The following TCEA3 variants were observed in gnomAD, a reference collection of about 807,000 sequenced individuals.
The protein encoded by TCEA3 is transcription elongation factor A protein 3.
Under a neutral mutation model 44.0 loss-of-function variants are expected in TCEA3, and 36 were observed. That is an observed-to-expected ratio of 0.82 (90% confidence interval 0.63 to 1.08). The LOEUF is 1.08. Among genes scored for constraint, TCEA3 ranks in the 50% least tolerant of loss-of-function variants. The probability of loss-of-function intolerance (pLI) is 0.00; values close to 1 mark genes in which losing one functional copy is unlikely to be tolerated. For synonymous variants in TCEA3, 162 were observed against 159.7 expected (o/e 1.01, Z -0.11); for missense variants, 392 against 441.2 (o/e 0.89, Z 1.00).
chr1:23,419,025 C>A, intron 2 of TCEA3, 52 bp downstream of exon 2: 1 of 991,746 alleles, frequency 1.0e-6, no homozygotes, highest in South Asian at 1.9e-5. Context: ...TTTCCCTCCC[C>A]CACCAGCTCT....
At chr1:23,390,759 G>T (rs1430504992) in intron 8 of TCEA3, among the ~76,000 whole-genome samples, 1 of 152,084 alleles carries the variant, frequency 6.6e-6, no homozygotes, top group Non-Finnish European at 1.5e-5. Flanking sequence ...AAATAAGGTG[G>T]AAAATGAAGG....
Position 23,381,432 on chromosome 1 carries a change from T to C in TCEA3, c.*34A>G, listed in dbSNP as rs1638669151. 3 of 780,094 alleles carry C rather than the reference T, an allele frequency of 3.8e-6. No homozygotes were observed. The highest frequency in any genetic ancestry group is 7.2e-6 in the Non-Finnish European group (3 of 417,846). 48.3% of individuals were successfully genotyped at this position (780,094 alleles called of 1,614,324 possible). A position where few individuals can be genotyped will look rare whatever the true frequency, so the allele number is the denominator to read the frequency against. On this transcript the variant is annotated 3_prime_UTR_variant, in exon 11 of 11. Coordinates refer to ENST00000450454, the MANE Select transcript of TCEA3 (RefSeq NM_003196.3). Reference sequence around the variant, plus strand: ...CAGATAATTCAGCGCTTCCTCTTTCTTCTTCCTCACCTTGTTCATGGCTGG... The same window carrying C: ...CAGATAATTCAGCGCTTCCTCTTTCCTCTTCCTCACCTTGTTCATGGCTGG...
At chr1:23,415,134 C>T (rs1476915211) in intron 4 of TCEA3, among the ~76,000 whole-genome samples, 4 of 151,114 alleles carry the variant, frequency 2.6e-5, no homozygotes, top group African/African-American at 9.7e-5. Context: ...GTGATTCTCC[C>T]GCCTCAGCCT....
At chr1:23,416,783 C>T (rs529611117) in intron 4 of TCEA3, among the ~76,000 whole-genome samples, 2 of 152,152 alleles carry the variant, frequency 1.3e-5, no homozygotes, top group Non-Finnish European at 2.9e-5. Context: ...TGAGCCACTG[C>T]GCCAGGTGCA....
intron 8 of TCEA3, 130 bp downstream of exon 8, chr1:23,393,749 G>T: frequency 8.2e-7 from 1 of 1,226,510 alleles, no homozygotes; most frequent in Non-Finnish European, 1.1e-6. Context: ...CAGGGGGGAG[G>T]CTGAGATGAG....
intron 5 of TCEA3, among the ~76,000 whole-genome samples, chr1:23,399,767 C>T (rs757308251): frequency 6.6e-6 from 1 of 152,096 alleles, no homozygotes; most frequent in East Asian, 1.9e-4. Context: ...CCTCCACCTC[C>T]CGGATTCAAG....
intron 1 of TCEA3, among the ~76,000 whole-genome samples, chr1:23,420,454 A>G (rs537045280): frequency 1.3e-5 from 2 of 152,266 alleles, no homozygotes; most frequent in East Asian, 3.9e-4. Context: ...ATGTTGCCCA[A>G]GCTGGTCTCA....
At position 23,397,772 on chromosome 1, in the gene TCEA3, C is replaced by T. The variant is rs185666511; in HGVS notation, c.607+20G>A. On this transcript the variant is annotated intron_variant, in intron 6 of 10. Coordinates refer to ENST00000450454, the MANE Select transcript of TCEA3 (RefSeq NM_003196.3). ...AAAGGGACTCCTTCCCTCCCTCATC[C>T]CTAGCCCAGGCTCTCTCACCGTCCG... The T allele has an allele frequency of 6.3e-5, 102 of 1,613,828 alleles. No homozygotes were observed. In the African/African-American group the frequency reaches 1.2e-3, roughly 19 times the overall value.
intron 7 of TCEA3, 126 bp downstream of exon 7, chr1:23,397,419 G>A: frequency 1.3e-6 from 1 of 791,406 alleles, no homozygotes; most frequent in South Asian, 1.8e-5. Context: ...CTCTGGTTCA[G>A]GGGCAGAGCA....
At chr1:23,393,006 G>T (rs1418343022) in intron 8 of TCEA3, among the ~76,000 whole-genome samples, 1 of 152,082 alleles carries the variant, frequency 6.6e-6, no homozygotes. Flanking sequence ...TGTAGAATTA[G>T]TGGGAGCCCT....
Position 23,413,044 on chromosome 1 carries a change from G to A in TCEA3, c.380+4205C>T, listed in dbSNP as rs565535647. Among the ~76,000 whole-genome samples the A allele has an allele frequency of 2.0e-5, 3 of 152,356 alleles. No individual in the cohort carries two copies. The South Asian group carries it at 6.2e-4, about 32-fold the overall frequency. On this transcript the variant is annotated intron_variant, in intron 4 of 10. Coordinates refer to ENST00000450454, the MANE Select transcript of TCEA3 (RefSeq NM_003196.3). ...TTTCTGAGCCCCATGGCTGTGAAAA[G>A]TGAGTGGGCATAACAATTTAGTGTC...
rs560106591 is a variant in TCEA3, at chr1:23,397,674, C to T, written c.608-73G>A. On this transcript the variant is annotated intron_variant, in intron 6 of 10. Coordinates refer to ENST00000450454, the MANE Select transcript of TCEA3 (RefSeq NM_003196.3). ...CAGTGAAGCCTGCTTGTACCTGGGACTAGAGTGTTCCTGTACCATCCCTTG... is the reference window on the plus strand; with the variant it reads ...CAGTGAAGCCTGCTTGTACCTGGGATTAGAGTGTTCCTGTACCATCCCTTG... 124 of 1,604,058 alleles carry T rather than the reference C, an allele frequency of 7.7e-5. 5 individuals carry two copies. The South Asian group carries it at 1.4e-3, about 18-fold the overall frequency.
chr1:23,398,131 A>T (rs373136206), intron 5 of TCEA3, among the ~76,000 whole-genome samples, 176 bp from the exon 6 acceptor site: 2 of 152,216 alleles, frequency 1.3e-5, no homozygotes, highest in African/African-American at 4.8e-5. Context: ...TGACAACCCC[A>T]TGAGGTTGAT....
intron 8 of TCEA3, among the ~76,000 whole-genome samples, chr1:23,393,185 C>G (rs1639112986): frequency 6.6e-6 from 1 of 152,080 alleles, no homozygotes; most frequent in South Asian, 2.1e-4. Context: ...CGTCACTGAT[C>G]TGACAGGAGG....
At chr1:23,418,297 TC>T (rs1639953649) in intron 2 of TCEA3, 1 of 388,266 alleles carries the variant, frequency 2.6e-6, no homozygotes, top group Non-Finnish European at 4.8e-6. Context: ...TCAGGACCCC[TC>T]CCATTCCCAA....
chr1:23,388,943 G>A (rs896144836), intron 8 of TCEA3, among the ~76,000 whole-genome samples: 10 of 152,170 alleles, frequency 6.6e-5, no homozygotes, highest in Non-Finnish European at 1.2e-4. Context: ...TTGGACTCCC[G>A]AAGTGCCGGG....
intron 10 of TCEA3, among the ~76,000 whole-genome samples, chr1:23,383,049 G>A (rs913966327): frequency 6.6e-6 from 1 of 152,174 alleles, no homozygotes; most frequent in African/African-American, 2.4e-5. Flanking sequence ...GGAGGCCGAG[G>A]CGGGCGGATC....
At chr1:23,401,174 C>T (rs984316620) in intron 5 of TCEA3, among the ~76,000 whole-genome samples, 9 of 152,184 alleles carry the variant, frequency 5.9e-5, no homozygotes, top group Non-Finnish European at 1.0e-4. Context: ...TGGATCTCCT[C>T]TTTCACCCCA....
chr1:23,420,006 T>C (rs1005553397), intron 1 of TCEA3, among the ~76,000 whole-genome samples: 1 of 152,152 alleles, frequency 6.6e-6, no homozygotes, highest in Non-Finnish European at 1.5e-5. Flanking sequence ...CTTCTTCCTG[T>C]CCCCTTTCTA....
Sources: gnomAD v4.1 joint callset for allele counts (sites outside exome capture counted in the v4.1 genomes callset) on GRCh38, gnomAD v4.1.1 for gene constraint, MANE v1.5 for transcripts, NCBI Gene and HGNC (gene_info 2026-07-23, HGNC 2026-07-21) for gene names.